NDUFA1: variants seen among roughly 807,000 people sequenced by gnomAD.
NDUFA1 encodes the protein NADH dehydrogenase [ubiquinone] 1 alpha subcomplex subunit 1.
For synonymous variants in NDUFA1, 21 were observed against 20.0 expected (o/e 1.05, Z -0.14); for missense variants, 42 against 56.0 (o/e 0.75, Z 0.80).
chrX:119,876,399 G>A, intron 2 of NDUFA1, 115 bp from the exon 3 acceptor site: 1 of 730,834 alleles, frequency 1.4e-6, no homozygotes, highest in Non-Finnish European at 2.2e-6. Context: ...AATGTGGGAT[G>A]TGGAAGCACT....
At chrX:119,875,110 A>G (rs1412065768) in intron 2 of NDUFA1, among the ~76,000 whole-genome samples, 1 of 110,770 alleles carries the variant, frequency 9.0e-6, no homozygotes, top group Non-Finnish European at 1.9e-5. Context: ...ATAGATATCT[A>G]CTTATCTGGA....
intron 2 of NDUFA1, among the ~76,000 whole-genome samples, chrX:119,874,601 G>T (rs112160358): frequency 0.086 from 9,561 of 110,861 alleles, 397 homozygotes; most frequent in Middle Eastern, 0.19. Context: ...CTGTCACTCA[G>T]TCTGGAGTGC....
intron 2 of NDUFA1, among the ~76,000 whole-genome samples, chrX:119,876,205 CAAA>C (rs368203238): frequency 7.5e-5 from 6 of 79,576 alleles, no homozygotes; most frequent in East Asian, 3.7e-4. Context: ...GACTCCATCT[CAAA>C]AAAAAAAAAA....
chrX:119,872,029 C>A lies in NDUFA1; in HGVS notation c.102+16C>A, dbSNP rs980503587. ...CGGGGGCAAGGTAAGCCGGCTTCGGCCCGGGGGCCGACTCCACGGGCTGAT... is the reference window on the plus strand; with the variant it reads ...CGGGGGCAAGGTAAGCCGGCTTCGGACCGGGGGCCGACTCCACGGGCTGAT... On this transcript the variant is annotated intron_variant, in intron 1 of 2. Coordinates refer to ENST00000371437, the MANE Select transcript of NDUFA1 (RefSeq NM_004541.4). 6.7e-6 allele frequency: 8 copies of A among 1,196,476 alleles called. No individual in the cohort carries two copies. The African/African-American group carries it at 1.4e-4, about 21-fold the overall frequency.
intron 1 of NDUFA1, among the ~76,000 whole-genome samples, chrX:119,872,274 G>A (rs1454065340): frequency 8.9e-6 from 1 of 111,780 alleles, no homozygotes; most frequent in Non-Finnish European, 1.9e-5. Context: ...ATTAGAAAAG[G>A]TGGCTCAAGC....
intron 2 of NDUFA1, 32 bp downstream of exon 2, chrX:119,873,425 C>T: frequency 1.7e-6 from 2 of 1,152,336 alleles, no homozygotes; most frequent in South Asian, 3.6e-5. Flanking sequence ...AGCCTTTTGC[C>T]AGGGTTGAGG....
In NDUFA1 at chrX:119,871,894, C is replaced by T. The variant is rs1339263563; in HGVS notation, c.-18C>T. ...AAGGACCCAGAAGTAGGGTTTTGGC[C>T]TAGGTAACGGGGCAGAGATGTGGTT... On this transcript the variant is annotated 5_prime_UTR_variant, in exon 1 of 3. Transcript: ENST00000371437. The T allele has an allele frequency of 1.7e-6, 2 of 1,205,350 alleles. No homozygotes were observed. Among genetic ancestry groups the T allele is most frequent in the African/African-American group, 1.7e-5 (1 of 57,572 alleles).
intron 2 of NDUFA1, among the ~76,000 whole-genome samples, chrX:119,875,434 C>T (rs964110327): frequency 6.7e-5 from 7 of 103,873 alleles, no homozygotes; most frequent in South Asian, 9.4e-4. Context: ...AAGCAATTCT[C>T]CTGCCTCAGC....
At position 119,871,920 on chromosome X, in the gene NDUFA1, C is replaced by A; in HGVS notation, c.9C>A (p.Phe3Leu). 8.3e-7 allele frequency: 1 copy of A among 1,211,566 alleles called. No homozygotes were observed. The highest frequency in any genetic ancestry group is 1.1e-6 in the Non-Finnish European group (1 of 894,935). The change falls in exon 1 of 3, where the codon TTC becomes TTA. Residue 3 changes from phenylalanine to leucine, a missense_variant. Coordinates refer to ENST00000371437, the MANE Select transcript of NDUFA1 (RefSeq NM_004541.4). The stretch of plus-strand genomic sequence containing the variant: ...TAGGTAACGGGGCAGAGATGTGGTT[C>A]GAGATTCTCCCCGGACTCTCCGTCA... MW[F>L]EILPGLSVMG...
At chrX:119,872,469 T>C (rs1280500020) in intron 1 of NDUFA1, among the ~76,000 whole-genome samples, 3 of 108,406 alleles carry the variant, frequency 2.8e-5, no homozygotes, top group African/African-American at 1.0e-4. Context: ...AATACAAAAT[T>C]AGCTGGGCGT....
chrX:119,874,362 A>C (rs1255111817), intron 2 of NDUFA1, among the ~76,000 whole-genome samples: 2 of 108,900 alleles, frequency 1.8e-5, no homozygotes, highest in African/African-American at 6.7e-5. Flanking sequence ...ATTTCCATGT[A>C]CACATGGGCC....
At chrX:119,872,771 T>G (rs1374748264) in intron 1 of NDUFA1, among the ~76,000 whole-genome samples, 1 of 106,149 alleles carries the variant, frequency 9.4e-6, no homozygotes, top group African/African-American at 3.4e-5. Context: ...CCACCCGCCT[T>G]GATCTCCCAA....
At position 119,871,924 on chromosome X, in the gene NDUFA1, A is replaced by G. The variant is rs1451554310; in HGVS notation, c.13A>G (p.Ile5Val). The change falls in exon 1 of 3, where the codon ATT (isoleucine) becomes GTT (valine). Residue 5 changes from isoleucine to valine, a missense_variant. Transcript: ENST00000371437. ...TAACGGGGCAGAGATGTGGTTCGAG[A>G]TTCTCCCCGGACTCTCCGTCATGGG... Reference protein sequence around the residue: MWFEILPGLSVMGVC... With the variant: MWFEVLPGLSVMGVC... 8.3e-7 allele frequency: 1 copy of G among 1,211,761 alleles called. No homozygotes were observed. Among genetic ancestry groups the G allele is most frequent in the South Asian group, 1.8e-5 (1 of 57,020 alleles).
intron 2 of NDUFA1, among the ~76,000 whole-genome samples, 153 bp downstream of exon 2, chrX:119,873,546 CTT>C (rs67229707): frequency 9.9e-6 from 1 of 100,926 alleles, no homozygotes. Flanking sequence ...TTTTATATTT[CTT>C]TTTTTTTTTT....
At chrX:119,873,987 T>TAA (rs763262445) in intron 2 of NDUFA1, among the ~76,000 whole-genome samples, 1 of 111,736 alleles carries the variant, frequency 8.9e-6, no homozygotes, top group South Asian at 3.7e-4. Context: ...ACCTGGCTCA[T>TAA]AAAAATACTT....
intron 1 of NDUFA1, among the ~76,000 whole-genome samples, chrX:119,872,708 C>T (rs1197421624): frequency 4.4e-5 from 4 of 90,559 alleles, no homozygotes; most frequent in African/African-American, 1.3e-4. Flanking sequence ...TTTGTAGAGG[C>T]GGGGTTTCAT....
At chrX:119,874,643 G>A (rs1220905648) in intron 2 of NDUFA1, among the ~76,000 whole-genome samples, 1 of 110,822 alleles carries the variant, frequency 9.0e-6, no homozygotes, top group Non-Finnish European at 1.9e-5. Context: ...TGCAACCCCC[G>A]CCTCCCGGGT....
chrX:119,873,157 G>A (rs553643635), intron 1 of NDUFA1, 147 bp from the exon 2 acceptor site: 138 of 466,156 alleles, frequency 3.0e-4, no homozygotes, highest in South Asian at 1.1e-3. Context: ...TTTTATTTAG[G>A]AGATTCTGTT....
intron 2 of NDUFA1, among the ~76,000 whole-genome samples, chrX:119,874,660 G>T (rs1332342479): frequency 9.0e-6 from 1 of 111,142 alleles, no homozygotes; most frequent in Non-Finnish European, 1.9e-5. Context: ...GGGTTCAAGC[G>T]ATTCTTGTGC....
Sources: gnomAD v4.1 joint callset for allele counts (sites outside exome capture counted in the v4.1 genomes callset) on GRCh38, gnomAD v4.1.1 for gene constraint, MANE v1.5 for transcripts, NCBI Gene and HGNC (gene_info 2026-07-23, HGNC 2026-07-21) for gene names.